The following REDIC1 variants were observed in gnomAD, a reference collection of about 807,000 sequenced individuals.
REDIC1 encodes the protein regulator of DNA class I crossover intermediates 1, also known as HEI10 Interacting Protein 1.
chr12:39,637,053 T>C, the REDIC1 span, among the ~76,000 whole-genome samples: 1 of 151,968 alleles, frequency 6.6e-6, no homozygotes. Context: ...TCCCTCTCCC[T>C]CTACTCCTTT....
chr12:39,788,001 T>A, the REDIC1 span, among the ~76,000 whole-genome samples: 1 of 152,312 alleles, frequency 6.6e-6, no homozygotes, highest in African/African-American at 2.4e-5. Context: ...GGAATGAGAA[T>A]GTAGTAATTT....
At chr12:39,877,711 T>C in the REDIC1 span, among the ~76,000 whole-genome samples, 155 of 152,296 alleles carry the variant, frequency 1.0e-3, 1 homozygote, top group African/African-American at 3.4e-3. Flanking sequence ...TTTACAGAAA[T>C]AATATCAGCC....
the REDIC1 span, among the ~76,000 whole-genome samples, chr12:39,840,501 A>C: frequency 8.6e-5 from 13 of 151,866 alleles, 1 homozygote; most frequent in Admixed American, 2.0e-4. Flanking sequence ...CCATTTCTCC[A>C]TAGGTGCCGT....
At chr12:39,837,327 A>G in the REDIC1 span, among the ~76,000 whole-genome samples, 1 of 145,370 alleles carries the variant, frequency 6.9e-6, no homozygotes. Flanking sequence ...TACACCTTAT[A>G]CAAAAATCAA....
the REDIC1 span, among the ~76,000 whole-genome samples, chr12:39,726,408 C>G: frequency 5.2e-4 from 79 of 152,144 alleles, 1 homozygote; most frequent in Non-Finnish European, 7.6e-4. Context: ...TGAGAACATG[C>G]AGTGTTTGGT....
chr12:39,837,934 G>A, the REDIC1 span, among the ~76,000 whole-genome samples: 883 of 150,950 alleles, frequency 5.8e-3, 8 homozygotes, highest in African/African-American at 0.02. Context: ...TCAGTGTGGC[G>A]ATTCCTCAGG....
the REDIC1 span, among the ~76,000 whole-genome samples, chr12:39,784,777 A>G: frequency 6.6e-6 from 1 of 152,196 alleles, no homozygotes; most frequent in African/African-American, 2.4e-5. Context: ...CTACCATCAG[A>G]GTGAACAGGC....
At chr12:39,827,656 T>A in the REDIC1 span, among the ~76,000 whole-genome samples, 2 of 152,138 alleles carry the variant, frequency 1.3e-5, no homozygotes, top group African/African-American at 4.8e-5. Flanking sequence ...AGCAGCTCAG[T>A]CTACTACATT....
chr12:39,675,968 C>T, the REDIC1 span, among the ~76,000 whole-genome samples: 1 of 152,148 alleles, frequency 6.6e-6, no homozygotes, highest in African/African-American at 2.4e-5. Flanking sequence ...TGTTCCAGAT[C>T]CTTTCCACTG....
At chr12:39,903,249 G>T in the REDIC1 span, among the ~76,000 whole-genome samples, 1 of 152,060 alleles carries the variant, frequency 6.6e-6, no homozygotes, top group African/African-American at 2.4e-5. Context: ...ACAAAAAGAG[G>T]ATTTCAGAAA....
the REDIC1 span, among the ~76,000 whole-genome samples, chr12:39,703,529 A>T: frequency 6.6e-6 from 1 of 151,874 alleles, no homozygotes; most frequent in Admixed American, 6.6e-5. Flanking sequence ...TTACAGATTC[A>T]ATGCCATCCC....
chr12:39,653,539 T>TTCTTCTTCTTCTTCTTCTTCTTC, the REDIC1 span, among the ~76,000 whole-genome samples: 2 of 56,060 alleles, frequency 3.6e-5, no homozygotes, highest in African/African-American at 1.2e-4. Flanking sequence ...TCTTCTTCTT[T>TTCTTCTTCTTCTTCTTCTTCTTC]TTCTTCTTCT....
chr12:39,887,394 G>A, the REDIC1 span, among the ~76,000 whole-genome samples: 1 of 152,122 alleles, frequency 6.6e-6, no homozygotes, highest in Non-Finnish European at 1.5e-5. Context: ...CAGCCTCAAA[G>A]CCAATAAACT....
the REDIC1 span, among the ~76,000 whole-genome samples, chr12:39,739,852 G>A: frequency 1.3e-5 from 2 of 152,186 alleles, no homozygotes; most frequent in African/African-American, 4.8e-5. Flanking sequence ...CCCATAAAAT[G>A]TAGCAGATGT....
At chr12:39,707,934 T>A in the REDIC1 span, among the ~76,000 whole-genome samples, 2 of 151,796 alleles carry the variant, frequency 1.3e-5, no homozygotes, top group Admixed American at 1.3e-4. Context: ...ATGTTCTCAC[T>A]TATTTATGGA....
the REDIC1 span, among the ~76,000 whole-genome samples, chr12:39,630,319 A>G: frequency 6.6e-6 from 1 of 152,204 alleles, no homozygotes; most frequent in Non-Finnish European, 1.5e-5. Context: ...TACATGCAGT[A>G]TAAGATTTTT....
chr12:39,734,600 G>T, the REDIC1 span, among the ~76,000 whole-genome samples: 9 of 152,050 alleles, frequency 5.9e-5, no homozygotes, highest in Non-Finnish European at 1.3e-4. Context: ...GTTTGTTTTT[G>T]CACATAGATA....
At chr12:39,795,133 A>C in the REDIC1 span, among the ~76,000 whole-genome samples, 1 of 151,998 alleles carries the variant, frequency 6.6e-6, no homozygotes, top group South Asian at 2.1e-4. Flanking sequence ...TTCTAGAACT[A>C]TCATTTGGAG....
At chr12:39,837,925 C>A in the REDIC1 span, among the ~76,000 whole-genome samples, 1,388 of 151,086 alleles carry the variant, frequency 9.2e-3, 24 homozygotes, top group African/African-American at 0.032. Flanking sequence ...TTGTGGAAGT[C>A]AGTGTGGCGA....
Sources: gnomAD v4.1 joint callset for allele counts (sites outside exome capture counted in the v4.1 genomes callset) on GRCh38, gnomAD v4.1.1 for gene constraint, MANE v1.5 for transcripts, NCBI Gene and HGNC (gene_info 2026-07-23, HGNC 2026-07-21) for gene names.